The following LRRC4C variants were observed in gnomAD, a reference collection of about 807,000 sequenced individuals.
The protein encoded by LRRC4C is leucine-rich repeat-containing protein 4C.
A neutral mutation model predicts 33.6 loss-of-function variants in LRRC4C; 5 were observed. The ratio of observed to expected loss-of-function variants is 0.15; its 90% CI spans 0.08 to 0.31. The LOEUF is 0.31. Ranked by LOEUF, LRRC4C falls within the 10% of genes least tolerant of loss-of-function variation. The probability of loss-of-function intolerance (pLI) is 1.00; values close to 1 mark genes in which losing one functional copy is unlikely to be tolerated. For synonymous variants in LRRC4C, 329 were observed against 302.0 expected, an observed-to-expected ratio of 1.09 and a Z score of -0.93; for missense variants, 560 against 796.7, an observed-to-expected ratio of 0.70 and a Z score of 3.58.
rs114642043 is a variant in LRRC4C, at chr11:40,822,450, T to C, written c.-407+111185A>G. Among the ~76,000 whole-genome samples the C allele has an allele frequency of 6.9e-3, 1,055 of 151,892 alleles. 13 individuals are homozygous for C. Among genetic ancestry groups the C allele is most frequent in the African/African-American group, 0.024 (995 of 41,538 alleles). On this transcript the variant is annotated intron_variant, in intron 2 of 6. Coordinates refer to ENST00000528697, the MANE Select transcript of LRRC4C (RefSeq NM_001258419.2). Reference sequence around the variant, plus strand: ...TTAGGTTGATTCTCTATCTTGGCTATTGTGAATGATGCTGCAATAAACAGC... The same window carrying C: ...TTAGGTTGATTCTCTATCTTGGCTACTGTGAATGATGCTGCAATAAACAGC...
intron 5 of LRRC4C, among the ~76,000 whole-genome samples, chr11:40,209,861 T>C (rs1486097909): frequency 6.6e-6 from 1 of 152,146 alleles, no homozygotes; most frequent in Admixed American, 6.6e-5. Context: ...AAGAGAAGTA[T>C]TGGGTTGAAA....
At chr11:40,654,326 G>A (rs963950622) in intron 2 of LRRC4C, among the ~76,000 whole-genome samples, 1 of 152,210 alleles carries the variant, frequency 6.6e-6, no homozygotes, top group Non-Finnish European at 1.5e-5. Flanking sequence ...CATGAAAGAG[G>A]CTGGGAGGGC....
chr11:40,141,416 C>G (rs570984234), intron 5 of LRRC4C, among the ~76,000 whole-genome samples: 1 of 152,270 alleles, frequency 6.6e-6, no homozygotes, highest in South Asian at 2.1e-4. Context: ...AAATCATAAT[C>G]TGAGACTGAG....
At chr11:41,393,467 A>AT in intron 1 of LRRC4C, among the ~76,000 whole-genome samples, 1 of 151,738 alleles carries the variant, frequency 6.6e-6, no homozygotes, top group East Asian at 2.0e-4. Flanking sequence ...GAAAGAAGTA[A>AT]GTGAGAGGGG....
intron 5 of LRRC4C, among the ~76,000 whole-genome samples, chr11:40,147,028 G>T (rs922606170): frequency 3.3e-5 from 5 of 152,168 alleles, no homozygotes; most frequent in Admixed American, 3.3e-4. Flanking sequence ...TAATCCACTA[G>T]AAAATGGTTA....
chr11:41,389,192 G>A (rs375228411), intron 1 of LRRC4C, among the ~76,000 whole-genome samples: 5 of 151,798 alleles, frequency 3.3e-5, no homozygotes, highest in Non-Finnish European at 5.9e-5. Flanking sequence ...TATCTACACA[G>A]GACCTTGCAG....
At chr11:40,388,590 G>A (rs1014612392) in intron 3 of LRRC4C, among the ~76,000 whole-genome samples, 2 of 152,178 alleles carry the variant, frequency 1.3e-5, no homozygotes, top group Admixed American at 1.3e-4. Flanking sequence ...TTATGGTTGA[G>A]TGACACAGCA....
At chr11:40,283,483 G>A (rs1943620662) in intron 4 of LRRC4C, among the ~76,000 whole-genome samples, 2 of 151,784 alleles carry the variant, frequency 1.3e-5, no homozygotes, top group Admixed American at 6.6e-5. Context: ...GGTCCCTACA[G>A]GAAAAATAAT....
intron 1 of LRRC4C, among the ~76,000 whole-genome samples, chr11:41,103,058 T>A (rs1243345899): frequency 3.3e-5 from 5 of 151,920 alleles, no homozygotes; most frequent in African/African-American, 7.2e-5. Context: ...GTTTATTTTT[T>A]AAAAAAAGCA....
chr11:41,113,072 A>G lies in LRRC4C; in HGVS notation c.-495-179349T>C, dbSNP rs936284716. Reference sequence around the variant, plus strand: ...TATTATGATATTTTAAATTTTGCAAACAATATCTAACCATGCTAAACTTTC... The same window carrying G: ...TATTATGATATTTTAAATTTTGCAAGCAATATCTAACCATGCTAAACTTTC... On this transcript the variant is annotated intron_variant, in intron 1 of 6. Coordinates refer to ENST00000528697, the MANE Select transcript of LRRC4C (RefSeq NM_001258419.2). Among the ~76,000 whole-genome samples the G allele has an allele frequency of 6.5e-4, 99 of 152,068 alleles. 1 individual carries two copies. Among genetic ancestry groups the G allele is most frequent in the Admixed American group, 2.8e-3 (43 of 15,242 alleles).
At chr11:40,833,535 C>T (rs1288305817) in intron 2 of LRRC4C, among the ~76,000 whole-genome samples, 1 of 151,912 alleles carries the variant, frequency 6.6e-6, no homozygotes, top group East Asian at 1.9e-4. Flanking sequence ...TATAACACAT[C>T]CCAAATTGAA....
intron 4 of LRRC4C, among the ~76,000 whole-genome samples, chr11:40,245,296 A>G (rs1417431491): frequency 6.6e-6 from 1 of 152,116 alleles, no homozygotes; most frequent in Non-Finnish European, 1.5e-5. Flanking sequence ...TTACTCTATT[A>G]TTTGCATATG....
rs1555125586 is a variant in LRRC4C, at chr11:40,633,371, T to TTCTCTCTC, written c.-270+14763_-270+14770dup. On this transcript the variant is annotated intron_variant, in intron 3 of 6. Coordinates refer to ENST00000528697, the MANE Select transcript of LRRC4C (RefSeq NM_001258419.2). ...TTTCTTTCTTTCTTTCTTTCTTTCT[T>TTCTCTCTC]TCTCTCTCTTTCTTTCTTTCTTTCT... 7.4e-3 allele frequency among the ~76,000 whole-genome samples: 710 copies of TTCTCTCTC among 96,220 alleles called. 19 individuals are homozygous for TTCTCTCTC. Among genetic ancestry groups the TTCTCTCTC allele is most frequent in the Non-Finnish European group, 9.6e-3 (446 of 46,392 alleles). The allele number at this position is 96,220 out of a possible 152,430, so 63.1% of individuals were successfully genotyped here.
intron 2 of LRRC4C, among the ~76,000 whole-genome samples, chr11:40,777,555 T>C (rs1381418604): frequency 6.6e-6 from 1 of 151,640 alleles, no homozygotes; most frequent in Non-Finnish European, 1.5e-5. Flanking sequence ...CTAAGAATAG[T>C]GGCCCTTCCT....
At chr11:41,165,921 C>T (rs780089176) in intron 1 of LRRC4C, among the ~76,000 whole-genome samples, 6 of 151,880 alleles carry the variant, frequency 4.0e-5, no homozygotes, top group Non-Finnish European at 8.8e-5. Context: ...ATCCCAGCTA[C>T]TCAGGAGGCT....
chr11:40,181,805 G>A (rs1861026179), intron 5 of LRRC4C, among the ~76,000 whole-genome samples: 1 of 152,166 alleles, frequency 6.6e-6, no homozygotes, highest in South Asian at 2.1e-4. Flanking sequence ...GAGAGACAAG[G>A]GAAATGAAGC....
chr11:41,349,633 A>G (rs994712329), intron 1 of LRRC4C, among the ~76,000 whole-genome samples: 3 of 152,024 alleles, frequency 2.0e-5, no homozygotes, highest in Admixed American at 6.6e-5. Context: ...AACCATCAAG[A>G]CCATCAAAGC....
intron 3 of LRRC4C, among the ~76,000 whole-genome samples, chr11:40,378,177 G>A (rs549943069): frequency 7.2e-5 from 11 of 152,044 alleles, no homozygotes; most frequent in African/African-American, 2.6e-4. Context: ...TATAAATTCA[G>A]ATCATACACC....
intron 1 of LRRC4C, among the ~76,000 whole-genome samples, chr11:40,938,425 A>G (rs919327073): frequency 2.6e-5 from 4 of 152,146 alleles, no homozygotes; most frequent in African/African-American, 7.2e-5. Flanking sequence ...GAGACATTGT[A>G]CAAACAACAA....
Sources: gnomAD v4.1 joint callset for allele counts (sites outside exome capture counted in the v4.1 genomes callset) on GRCh38, gnomAD v4.1.1 for gene constraint, MANE v1.5 for transcripts, NCBI Gene and HGNC (gene_info 2026-07-23, HGNC 2026-07-21) for gene names.